The following PLA2G7 variants were observed in gnomAD, a reference collection of about 807,000 sequenced individuals.
PLA2G7 encodes platelet-activating factor acetylhydrolase.
A neutral mutation model predicts 49.6 loss-of-function variants in PLA2G7; 63 were observed. That is an observed-to-expected ratio of 1.27 (90% confidence interval 1.04 to 1.57). The LOEUF is 1.57. PLA2G7 is among the 40% of genes most tolerant of loss of function. The probability of loss-of-function intolerance (pLI) is 0.00; values close to 1 mark genes in which losing one functional copy is unlikely to be tolerated. For missense variants in PLA2G7, 596 were observed against 521.2 expected, an observed-to-expected ratio of 1.14 and a Z score of -1.40; for synonymous variants, 193 against 169.9, an observed-to-expected ratio of 1.14 and a Z score of -1.06.
intron 1 of PLA2G7, among the ~76,000 whole-genome samples, chr6:46,727,793 C>T (rs1765617035): frequency 6.6e-6 from 1 of 152,144 alleles, no homozygotes; most frequent in Admixed American, 6.6e-5. Context: ...CGGGCATGAG[C>T]TATAACATGT....
rs1461809823 is a variant in PLA2G7, at chr6:46,735,325, G to C, written c.-180C>G. On this transcript the variant is annotated 5_prime_UTR_variant, in exon 1 of 12. Coordinates refer to ENST00000274793, the MANE Select transcript of PLA2G7 (RefSeq NM_005084.4). ...GACCAGCCGCTGTCCCCCTGGCTGC[G>C]GGCCGAGCAGCTCTGGCAGGCGGCG... The C allele has an allele frequency of 1.3e-5, 2 of 152,512 alleles. No individual in the cohort carries two copies. The highest frequency in any genetic ancestry group is 4.8e-5 in the African/African-American group (2 of 41,474). The allele number at this position is 152,512 out of a possible 1,614,324, so 9.4% of individuals were successfully genotyped here.
At chr6:46,711,255 G>A (rs1765010569) in intron 7 of PLA2G7, among the ~76,000 whole-genome samples, 2 of 151,972 alleles carry the variant, frequency 1.3e-5, no homozygotes, top group Non-Finnish European at 2.9e-5. Flanking sequence ...TTTAATTCAA[G>A]GGAATTCTGA....
Position 46,732,368 on chromosome 6 carries a change from T to TACAC in PLA2G7, c.-35+2808_-35+2811dup, listed in dbSNP as rs59891486. Among the ~76,000 whole-genome samples, 757 of 140,950 alleles carry TACAC rather than the reference T, an allele frequency of 5.4e-3. 4 individuals carry two copies. The highest frequency in any genetic ancestry group is 0.011 in the East Asian group (51 of 4,578). 92.5% of individuals were successfully genotyped at this position (140,950 alleles called of 152,430 possible). On this transcript the variant is annotated intron_variant, in intron 1 of 11. Coordinates refer to ENST00000274793, the MANE Select transcript of PLA2G7 (RefSeq NM_005084.4). ...CCCTCCCATATATCCAACACACACATACACACACACACACACACACACACA... is the reference window on the plus strand; with the variant it reads ...CCCTCCCATATATCCAACACACACATACACACACACACACACACACACACACACA...
At chr6:46,720,340 G>C (rs999299379) in intron 2 of PLA2G7, among the ~76,000 whole-genome samples, 1 of 152,238 alleles carries the variant, frequency 6.6e-6, no homozygotes, top group Non-Finnish European at 1.5e-5. Flanking sequence ...TAAGTTAGGA[G>C]TGCCCTGGTT....
At chr6:46,717,307 T>C (rs1361540649) in intron 2 of PLA2G7, among the ~76,000 whole-genome samples, 2 of 152,178 alleles carry the variant, frequency 1.3e-5, no homozygotes, top group African/African-American at 4.8e-5. Context: ...AAAGTAGACA[T>C]AGCCTTTCTC....
At chr6:46,715,334 A>C (rs1338897758) in intron 4 of PLA2G7, among the ~76,000 whole-genome samples, 1 of 152,248 alleles carries the variant, frequency 6.6e-6, no homozygotes, top group Non-Finnish European at 1.5e-5. Flanking sequence ...TCATGGATGC[A>C]GCTCTGCCAC....
chr6:46,710,590 T>TG lies in PLA2G7; in HGVS notation c.731dup (p.Val245SerfsTer10), dbSNP rs1457149648. 1.2e-6 allele frequency: 2 copies of TG among 1,613,454 alleles called. No individual in the cohort carries two copies. The highest frequency in any genetic ancestry group is 8.5e-7 in the Non-Finnish European group (1 of 1,179,440). Reference sequence around the variant, plus strand: ...ACTTTAAATCTAATGCATTCTTCACTGGCTTTCCATGATCAATGTCAAGAA... The same window carrying TG: ...ACTTTAAATCTAATGCATTCTTCACTGGGCTTTCCATGATCAATGTCAAGAA... On this transcript the variant is annotated frameshift_variant, in exon 8 of 12. Coordinates refer to ENST00000274793, the MANE Select transcript of PLA2G7 (RefSeq NM_005084.4). LOFTEE classifies it high-confidence loss of function.
chr6:46,729,005 TG>T (rs1172811052), intron 1 of PLA2G7, among the ~76,000 whole-genome samples: 9 of 152,288 alleles, frequency 5.9e-5, no homozygotes, highest in African/African-American at 1.7e-4. Context: ...ACCCTGATAA[TG>T]GGGTTCTTAT....
rs1765021299 is a variant in PLA2G7, at chr6:46,711,540, T to C, written c.619A>G (p.Arg207Gly). The C allele has an allele frequency of 6.2e-7, 1 of 1,613,658 alleles. No homozygotes were observed. The highest frequency in any genetic ancestry group is 8.5e-7 in the Non-Finnish European group (1 of 1,179,686). Reference protein sequence around the residue: ...EIGDKSWLYLRTLKQEEETHI... With the variant: ...EIGDKSWLYLGTLKQEEETHI... ...GTCTCCTCCTCTTGTTTCAGGGTTC[T>C]AAGGTAGAGCCAAGACTTGTCCCCT... The change falls in exon 7 of 12, where the codon AGA becomes GGA. Residue 207 changes from arginine to glycine, a missense_variant. Physicochemically the swap from Arg to Gly is moderately radical, Grantham distance 125. Coordinates refer to ENST00000274793, the MANE Select transcript of PLA2G7 (RefSeq NM_005084.4).
At chr6:46,719,805 G>C (rs1765336118) in intron 2 of PLA2G7, among the ~76,000 whole-genome samples, 1 of 152,164 alleles carries the variant, frequency 6.6e-6, no homozygotes, top group Non-Finnish European at 1.5e-5. Context: ...AAATAATGCT[G>C]TTTACTCCTT....
chr6:46,707,075 C>G (rs534907466), intron 10 of PLA2G7, among the ~76,000 whole-genome samples: 1 of 152,058 alleles, frequency 6.6e-6, no homozygotes, highest in South Asian at 2.1e-4. Context: ...AATATCTCAT[C>G]GAGAGTTCAA....
chr6:46,722,856 GA>G lies in PLA2G7; in HGVS notation c.35del (p.Leu12ProfsTer16). 1 of 1,613,850 alleles carries G rather than the reference GA, an allele frequency of 6.2e-7. No individual in the cohort carries two copies. On this transcript the variant is annotated frameshift_variant, in exon 2 of 12. Transcript: ENST00000274793. LOFTEE classifies it high-confidence loss of function. ...GATAAACCACAGCCAGGCAGCCGCA[GA>G]GGCAGAAAAGCACATGCAATTTGGG... ...VPPKLHVLFCLCGCLAVVYPF... is the reference protein window; with the variant it reads ...VPPKLHVLFCXCGCLAVVYPF...
At chr6:46,705,756 A>ACCACTT (rs1432322520) in intron 10 of PLA2G7, among the ~76,000 whole-genome samples, 2 of 152,204 alleles carry the variant, frequency 1.3e-5, no homozygotes, top group Non-Finnish European at 2.9e-5. Flanking sequence ...GATTTCAAAC[A>ACCACTT]CCACTTTTCC....
intron 1 of PLA2G7, among the ~76,000 whole-genome samples, chr6:46,726,054 AG>A (rs1318744414): frequency 6.6e-6 from 1 of 152,260 alleles, no homozygotes; most frequent in Non-Finnish European, 1.5e-5. Context: ...TAATAGACTC[AG>A]AGGGGCAACC....
chr6:46,725,934 A>G (rs948367715), intron 1 of PLA2G7, among the ~76,000 whole-genome samples: 2 of 152,248 alleles, frequency 1.3e-5, no homozygotes, highest in African/African-American at 4.8e-5. Context: ...GAGCCTTCAG[A>G]ATGAAGACCC....
In PLA2G7 at chr6:46,710,533, T is replaced by C; in HGVS notation, c.777+12A>G. 6.6e-7 allele frequency: 1 copy of C among 1,519,014 alleles called. No homozygotes were observed. The highest frequency in any genetic ancestry group is 9.1e-7 in the Non-Finnish European group (1 of 1,093,538). The allele number at this position is 1,519,014 out of a possible 1,614,324, so 94.1% of individuals were successfully genotyped here. A position where few individuals can be genotyped will look rare whatever the true frequency, so the allele number is the denominator to read the frequency against. On this transcript the variant is annotated intron_variant, in intron 8 of 11. Transcript: ENST00000274793. ...CTGTAGGACAAGAGAAAAATTACTT[T>C]TTATAGCTTACCTTCAGTTGTTCCA...
rs1765307447 is a variant in PLA2G7 at position 46,719,021 on chromosome 6, A to G, written c.110-1925T>C. ...AAACTACTTTTCTCTCTCTGGTGCA[A>G]TCTTCCACACACCAGCAGCTTCATC... is the stretch of plus-strand genomic sequence containing the variant. On this transcript the variant is annotated intron_variant, in intron 2 of 11. Coordinates refer to ENST00000274793, the MANE Select transcript of PLA2G7 (RefSeq NM_005084.4). Among the ~76,000 whole-genome samples, 3 of 152,266 alleles carry G rather than the reference A, an allele frequency of 2.0e-5. 1 individual carries two copies. Among genetic ancestry groups the G allele is most frequent in the Admixed American group, 6.5e-5 (1 of 15,294 alleles).
At chr6:46,726,414 G>A (rs546403415) in intron 1 of PLA2G7, among the ~76,000 whole-genome samples, 5 of 152,270 alleles carry the variant, frequency 3.3e-5, no homozygotes, top group African/African-American at 1.2e-4. Context: ...AACTTTTAAA[G>A]TTCTCTTTAC....
rs148634039 is a variant in PLA2G7, at chr6:46,723,711, A to C, written c.-34-786T>G. On this transcript the variant is annotated intron_variant, in intron 1 of 11. Coordinates refer to ENST00000274793, the MANE Select transcript of PLA2G7 (RefSeq NM_005084.4). ...AAGCCACCATCATCTCTTACCTAAA[A>C]TTTGCCATCACCTCTAACGAGTCTC... 9.2e-5 allele frequency among the ~76,000 whole-genome samples: 14 copies of C among 152,210 alleles called. No individual in the cohort carries two copies. In the East Asian group the frequency reaches 2.7e-3, roughly 29 times the overall value.
Sources: gnomAD v4.1 joint callset for allele counts (sites outside exome capture counted in the v4.1 genomes callset) on GRCh38, gnomAD v4.1.1 for gene constraint, MANE v1.5 for transcripts, NCBI Gene and HGNC (gene_info 2026-07-23, HGNC 2026-07-21) for gene names.